Variants in ETFDH observed in about 807,000 individuals in gnomAD.
The protein encoded by ETFDH is electron transfer flavoprotein-ubiquinone oxidoreductase, mitochondrial.
Under a neutral mutation model 73.2 loss-of-function variants are expected in ETFDH, and 61 were observed. That is an observed-to-expected ratio of 0.83 (90% CI 0.68 to 1.03). The LOEUF (loss-of-function observed/expected upper bound fraction) is 1.03, where lower values mean the gene tolerates loss of function less well. Among genes scored for constraint, ETFDH ranks in the 50% least tolerant of loss-of-function variants. ETFDH has a pLI of 0.00. For missense variants in ETFDH, 685 were observed against 745.0 expected (o/e 0.92, Z 0.94); for synonymous variants, 243 against 253.3 (o/e 0.96, Z 0.39).
At chr4:158,703,317 C>T (rs1458076400) in intron 9 of ETFDH, 106 bp from the exon 10 acceptor site, 2 of 808,460 alleles carry the variant, frequency 2.5e-6, no homozygotes, top group Non-Finnish European at 4.3e-6. Context: ...ATTTATTTTT[C>T]AGCCTTTCCC....
At chr4:158,706,572 A>T in intron 11 of ETFDH, 57 bp from the exon 12 acceptor site, 1 of 1,431,160 alleles carries the variant, frequency 7.0e-7, no homozygotes, top group African/African-American at 1.4e-5. Flanking sequence ...AAATAGGCTT[A>T]AGAAAAAGTA....
rs1774518301 is a variant in ETFDH at position 158,703,423 on chromosome 4, T to C, written c.1117T>C (p.Ser373Pro). 3 of 1,605,222 alleles carry C rather than the reference T, an allele frequency of 1.9e-6. No individual in the cohort carries two copies. The highest frequency in any genetic ancestry group is 2.6e-6 in the Non-Finnish European group (3 of 1,171,982). ...ARALNEGGFQ[S>P]IPKLTFPGGL... Reference sequence around the variant, plus strand: ...GTATTCTGAATCTTTGTTTCCTCAGTCTATACCAAAACTCACCTTTCCTGG... The same window carrying C: ...GTATTCTGAATCTTTGTTTCCTCAGCCTATACCAAAACTCACCTTTCCTGG... The change falls in exon 10 of 13, where the codon TCT becomes CCT. Residue 373 changes from serine to proline, a missense_variant and splice_region_variant. Around this residue, in one of 3 missense-constraint regions of ETFDH, gnomAD observed 79 missense variants for 120.5 expected, o/e 0.66. Coordinates refer to ENST00000511912, the MANE Select transcript of ETFDH (RefSeq NM_004453.4).
chr4:158,677,025 G>A (rs1411357355), intron 1 of ETFDH, among the ~76,000 whole-genome samples: 1 of 152,052 alleles, frequency 6.6e-6, no homozygotes, highest in Non-Finnish European at 1.5e-5. Flanking sequence ...TTTCTTGATG[G>A]TATCCTTTGA....
chr4:158,685,041 T>C (rs1773966788), intron 4 of ETFDH, 60 bp from the exon 5 acceptor site: 6 of 969,164 alleles, frequency 6.2e-6, no homozygotes, highest in Non-Finnish European at 1.0e-5. Context: ...AAAGTATTTA[T>C]GTTTTTGTAA....
chr4:158,683,951 A>G (rs1037482779), intron 3 of ETFDH, among the ~76,000 whole-genome samples: 2 of 152,124 alleles, frequency 1.3e-5, no homozygotes, highest in African/African-American at 2.4e-5. Flanking sequence ...CTTACCTTTC[A>G]CCAACCAGGA....
At chr4:158,698,824 A>G (rs547443364) in intron 8 of ETFDH, among the ~76,000 whole-genome samples, 163 bp from the exon 9 acceptor site, 2 of 152,338 alleles carry the variant, frequency 1.3e-5, no homozygotes, top group South Asian at 2.1e-4. Context: ...AACAGATTTT[A>G]TACAATTTTT....
intron 7 of ETFDH, among the ~76,000 whole-genome samples, chr4:158,696,821 C>A (rs1363064522): frequency 6.6e-6 from 1 of 152,140 alleles, no homozygotes; most frequent in Non-Finnish European, 1.5e-5. Flanking sequence ...AAGTGTACAG[C>A]TACATTAATT....
chr4:158,680,474 G>C lies in ETFDH; in HGVS notation c.42G>C (p.Gln14His), dbSNP rs1773824132. The C allele has an allele frequency of 1.9e-6, 3 of 1,605,062 alleles. No individual in the cohort carries two copies. Among genetic ancestry groups the C allele is most frequent in the Non-Finnish European group, 2.6e-6 (3 of 1,172,024 alleles). The change falls in exon 2 of 13, where the codon CAG (glutamine) becomes CAC (histidine). Residue 14 changes from glutamine to histidine, a missense_variant. This residue lies in a region of ETFDH where 405 missense variants were observed against 399.3 expected (regional missense o/e 1.01). Coordinates refer to ENST00000511912, the MANE Select transcript of ETFDH (RefSeq NM_004453.4). ...TTCGTAATTTTTGTGCAGCATATCA[G>C]TGCTTTCATGCCTTAAAAATTAAGA... ...PLAKLSCLAY[Q>H]CFHALKIKKN...
At chr4:158,674,578 G>A (rs1773667395) in intron 1 of ETFDH, among the ~76,000 whole-genome samples, 1 of 152,094 alleles carries the variant, frequency 6.6e-6, no homozygotes, top group African/African-American at 2.4e-5. Context: ...TGGGATTATA[G>A]GCATGAGCCA....
At chr4:158,682,073 C>T (rs1164191541) in intron 2 of ETFDH, 122 bp from the exon 3 acceptor site, 34 of 1,357,010 alleles carry the variant, frequency 2.5e-5, no homozygotes, top group Non-Finnish European at 3.5e-5. Context: ...AATTATTGTG[C>T]AAAACACAGG....
intron 9 of ETFDH, 119 bp from the exon 10 acceptor site, chr4:158,703,304 T>A (rs1220026303): frequency 1.3e-6 from 1 of 741,932 alleles, no homozygotes; most frequent in African/African-American, 1.8e-5. Flanking sequence ...TTCATTTTCA[T>A]GTATTTATTT....
At chr4:158,687,534 A>G (rs1379652153) in intron 5 of ETFDH, among the ~76,000 whole-genome samples, 1 of 152,172 alleles carries the variant, frequency 6.6e-6, no homozygotes, top group Non-Finnish European at 1.5e-5. Flanking sequence ...GAGTTCTTTC[A>G]GTATTCTTGC....
At chr4:158,688,680 CAAAAA>C (rs1174681144) in intron 5 of ETFDH, among the ~76,000 whole-genome samples, 1 of 149,820 alleles carries the variant, frequency 6.7e-6, no homozygotes, top group Non-Finnish European at 1.5e-5. Flanking sequence ...CTCAAAAAAA[CAAAAA>C]AAAAGAACGA....
At chr4:158,680,906 A>G (rs968854083) in intron 2 of ETFDH, among the ~76,000 whole-genome samples, 2 of 152,216 alleles carry the variant, frequency 1.3e-5, no homozygotes, top group Non-Finnish European at 2.9e-5. Context: ...TCTGATGTAA[A>G]CAAACATACT....
intron 10 of ETFDH, among the ~76,000 whole-genome samples, chr4:158,705,528 A>C (rs756938080): frequency 9.2e-5 from 14 of 152,234 alleles, no homozygotes; most frequent in Non-Finnish European, 1.9e-4. Context: ...ATTTCAACCC[A>C]TAGCAGGTAG....
chr4:158,697,681 A>G lies in ETFDH; in HGVS notation c.954A>G (p.Leu318=), dbSNP rs1415879616. 6.2e-7 allele frequency: 1 copy of G among 1,613,906 alleles called. No homozygotes were observed. The highest frequency in any genetic ancestry group is 2.2e-5 in the East Asian group (1 of 44,862). Residue 318 remains leucine (L), a synonymous_variant, in exon 8 of 13, where the codon CTA becomes CTG. Coordinates refer to ENST00000511912, the MANE Select transcript of ETFDH (RefSeq NM_004453.4). ...FLYHLNEGEP[L]VALGLVVGLD... ...ATCATTTGAATGAAGGTGAACCCCT[A>G]GTAGCTCTTGGTCTTGTGGTAAGTT...
chr4:158,683,791 T>C (rs1344362637), intron 3 of ETFDH, among the ~76,000 whole-genome samples: 2 of 152,020 alleles, frequency 1.3e-5, no homozygotes, highest in Non-Finnish European at 2.9e-5. Flanking sequence ...CCATGTGGGC[T>C]CAAAACCACT....
rs761674672 is a variant in ETFDH at position 158,684,688 on chromosome 4, A to G, written c.487+15A>G. ...AATTCTTCCAGGTAAGGTATAGTGAATATGCATAGAACTATGGAATTCCAC... is the reference window on the plus strand; with the variant it reads ...AATTCTTCCAGGTAAGGTATAGTGAGTATGCATAGAACTATGGAATTCCAC... On this transcript the variant is annotated intron_variant, in intron 4 of 12. Coordinates refer to ENST00000511912, the MANE Select transcript of ETFDH (RefSeq NM_004453.4). 5.5e-6 allele frequency: 7 copies of G among 1,283,786 alleles called. No homozygotes were observed. The highest frequency in any genetic ancestry group is 5.0e-5 in the Admixed American group (3 of 59,550). The allele number at this position is 1,283,786 out of a possible 1,614,324, so 79.5% of individuals were successfully genotyped here.
intron 1 of ETFDH, among the ~76,000 whole-genome samples, chr4:158,678,986 A>T (rs1241950547): frequency 6.6e-6 from 1 of 151,966 alleles, no homozygotes; most frequent in African/African-American, 2.4e-5. Context: ...TACCCTAATA[A>T]AATCTTCGAT....
Sources: allele counts gnomAD v4.1 joint callset (sites outside exome capture counted in the v4.1 genomes callset), GRCh38; gene constraint gnomAD v4.1.1; regional missense constraint gnomAD v4.1.1; transcripts MANE v1.5; gene names NCBI Gene and HGNC (gene_info 2026-07-23, HGNC 2026-07-21).